TCTN1: variants seen among roughly 807,000 people sequenced by gnomAD.
TCTN1 encodes tectonic-1.
TCTN1 carries 58 observed loss-of-function variants against 65.8 expected under a neutral mutation model. The ratio of observed to expected loss-of-function variants is 0.88; its 90% confidence interval spans 0.71 to 1.10. The LOEUF (loss-of-function observed/expected upper bound fraction) is 1.10. TCTN1 is among the 50% of genes least tolerant of loss of function. The pLI, the probability that TCTN1 is intolerant of heterozygous loss-of-function variation, is 0.00. For missense variants in TCTN1, 645 were observed against 719.4 expected, an observed-to-expected ratio of 0.90 and a Z score of 1.18; for synonymous variants, 273 against 289.1, an observed-to-expected ratio of 0.94 and a Z score of 0.57.
At chr12:110,618,230 T>A (rs1005592186) in intron 1 of TCTN1, among the ~76,000 whole-genome samples, 8 of 151,218 alleles carry the variant, frequency 5.3e-5, no homozygotes, top group African/African-American at 1.9e-4. Context: ...CCCACCACCA[T>A]ACCTGGCTAA....
chr12:110,642,851 G>A (rs1474053149), intron 11 of TCTN1, among the ~76,000 whole-genome samples: 2 of 152,022 alleles, frequency 1.3e-5, no homozygotes, highest in Admixed American at 6.5e-5. Flanking sequence ...CTGCCTCTGG[G>A]TTCAAGCAAT....
In TCTN1 at chr12:110,632,565, A is replaced by G; in HGVS notation, c.712+6A>G. On this transcript the variant is annotated splice_donor_region_variant and intron_variant, in intron 5 of 14. Coordinates refer to ENST00000397659, the MANE Select transcript of TCTN1 (RefSeq NM_001082538.3). ...CACTGATAATAACCCTGCAGGTAAG[A>G]AAGTGGTCATTCTTCTTTCCTTAGA... The G allele has an allele frequency of 6.2e-7, 1 of 1,613,600 alleles. No individual in the cohort carries two copies. Among genetic ancestry groups the G allele is most frequent in the Non-Finnish European group, 8.5e-7 (1 of 1,179,646 alleles).
At chr12:110,615,895 C>T (rs1000323487) in intron 1 of TCTN1, among the ~76,000 whole-genome samples, 2 of 152,210 alleles carry the variant, frequency 1.3e-5, no homozygotes, top group Admixed American at 6.5e-5. Flanking sequence ...GTTACTGAAC[C>T]TTTATTTCTC....
intron 13 of TCTN1, 37 bp from the exon 14 acceptor site, chr12:110,647,709 ACAC>A (rs2067448820): frequency 6.2e-7 from 1 of 1,614,014 alleles, no homozygotes; most frequent in Non-Finnish European, 8.5e-7. Flanking sequence ...TTCTGGGAGC[ACAC>A]TGGAGGGTGG....
chr12:110,634,307 A>AG (rs1284273714), intron 5 of TCTN1: 9 of 440,770 alleles, frequency 2.0e-5, no homozygotes, highest in African/African-American at 1.4e-4. Flanking sequence ...CAAGAATTGG[A>AG]GGGGGATTTA....
chr12:110,628,341 C>CT (rs1220087506), intron 3 of TCTN1: 143,935 of 813,498 alleles, frequency 0.18, 8 homozygotes, highest in East Asian at 0.21. Flanking sequence ...GAAAAATACA[C>CT]TTTTTTTTTT....
rs1565999637 is a variant in TCTN1 at position 110,640,891 on chromosome 12, C to T, written c.979-133C>T. The stretch of plus-strand genomic sequence containing the variant: ...TGAGGGAACACCTCTCATAATCCAA[C>T]TGGACAGCAGAGCAAGGCTTCAACA... On this transcript the variant is annotated intron_variant, in intron 8 of 14. Coordinates refer to ENST00000397659, the MANE Select transcript of TCTN1 (RefSeq NM_001082538.3). The surrounding 1 kb of genome is among the most constrained non-coding windows in gnomAD (Gnocchi z 4.9). 1 of 1,320,594 alleles carries T rather than the reference C, an allele frequency of 7.6e-7. No individual in the cohort carries two copies. The highest frequency in any genetic ancestry group is 2.3e-5 in the East Asian group (1 of 43,430). 81.8% of individuals were successfully genotyped at this position (1,320,594 alleles called of 1,614,324 possible). A position where few individuals can be genotyped will look rare whatever the true frequency, so the allele number is the denominator to read the frequency against.
intron 1 of TCTN1, among the ~76,000 whole-genome samples, chr12:110,617,716 C>T (rs1312212419): frequency 1.3e-5 from 2 of 151,758 alleles, no homozygotes; most frequent in African/African-American, 4.8e-5. Context: ...TATCGGCTCA[C>T]TGCAAACTCT....
At chr12:110,628,660 A>G in intron 3 of TCTN1, 107 bp from the exon 4 acceptor site, 1 of 1,008,420 alleles carries the variant, frequency 9.9e-7, no homozygotes, top group Non-Finnish European at 1.4e-6. Context: ...TTTGTTTTTT[A>G]CATCAGCCTT....
intron 13 of TCTN1, 43 bp from the exon 14 acceptor site, chr12:110,647,706 A>C: frequency 3.1e-6 from 5 of 1,613,986 alleles, no homozygotes; most frequent in Non-Finnish European, 4.2e-6. Context: ...TCATTCTGGG[A>C]GCACACTGGA....
At chr12:110,628,632 C>A in intron 3 of TCTN1, 135 bp from the exon 4 acceptor site, 1 of 828,130 alleles carries the variant, frequency 1.2e-6, no homozygotes, top group Non-Finnish European at 1.9e-6. Context: ...TGAGCCCATG[C>A]GCCCAGCCAA....
chr12:110,641,018 T>A lies in TCTN1; in HGVS notation c.979-6T>A. The A allele has an allele frequency of 3.7e-6, 6 of 1,614,202 alleles. No homozygotes were observed. Among genetic ancestry groups the A allele is most frequent in the Non-Finnish European group, 5.1e-6 (6 of 1,180,034 alleles). On this transcript the variant is annotated splice_polypyrimidine_tract_variant and splice_region_variant and intron_variant, in intron 8 of 14. Transcript: ENST00000397659. ...AGGTATATTTGGAGTATCATTTTGT[T>A]TTTAGGTAAAGTACAGCCTCACATA...
At chr12:110,636,152 G>A in intron 6 of TCTN1, 2 of 324,960 alleles carry the variant, frequency 6.2e-6, no homozygotes, top group South Asian at 5.8e-5. Context: ...AGGAGTGCAA[G>A]AACTGTGCTT....
intron 4 of TCTN1, among the ~76,000 whole-genome samples, 198 bp from the exon 5 acceptor site, chr12:110,632,274 C>G (rs116192787): frequency 1.8e-3 from 277 of 152,256 alleles, no homozygotes; most frequent in African/African-American, 6.0e-3. Context: ...CAGTAACATG[C>G]ACATACAGAA....
At chr12:110,633,454 T>C (rs1418484119) in intron 5 of TCTN1, among the ~76,000 whole-genome samples, 3 of 151,938 alleles carry the variant, frequency 2.0e-5, no homozygotes, top group African/African-American at 7.3e-5. Flanking sequence ...CTGGGCAACA[T>C]AGTGAAACCC....
chr12:110,616,330 C>T, intron 1 of TCTN1: 1 of 429,884 alleles, frequency 2.3e-6, no homozygotes, highest in Non-Finnish European at 4.7e-6. Flanking sequence ...CAGCTCACTG[C>T]AGCCTCGACC....
rs1040599914 is a variant in TCTN1, at chr12:110,639,983, G to A, written c.844-400G>A. ...GTTTTTAAGATTCATCTGTACTGTG[G>A]CATGTATTAGTACTATTTTTAGGGA... is the stretch of plus-strand genomic sequence containing the variant. On this transcript the variant is annotated intron_variant, in intron 7 of 14. Coordinates refer to ENST00000397659, the MANE Select transcript of TCTN1 (RefSeq NM_001082538.3). The surrounding 1 kb of genome is among the most constrained non-coding windows in gnomAD (Gnocchi z 4.9). 4.6e-5 allele frequency among the ~76,000 whole-genome samples: 7 copies of A among 152,256 alleles called. No individual in the cohort carries two copies. The highest frequency in any genetic ancestry group is 7.4e-5 in the Non-Finnish European group (5 of 68,010).
At chr12:110,626,287 C>G (rs923183333) in intron 2 of TCTN1, 75 bp from the exon 3 acceptor site, 2 of 1,467,096 alleles carry the variant, frequency 1.4e-6, no homozygotes, top group Admixed American at 4.0e-5. Flanking sequence ...AAGCATCTGA[C>G]AGTTTTAAAA....
At chr12:110,619,016 C>CAA (rs1289748093) in intron 1 of TCTN1, among the ~76,000 whole-genome samples, 1 of 109,240 alleles carries the variant, frequency 9.2e-6, no homozygotes, top group Non-Finnish European at 2.0e-5. Flanking sequence ...AATAAAAATA[C>CAA]AAAAAAAAAA....
Sources: allele counts gnomAD v4.1 joint callset (sites outside exome capture counted in the v4.1 genomes callset), GRCh38; gene constraint gnomAD v4.1.1; non-coding constraint Gnocchi (gnomAD v3.1); transcripts MANE v1.5; gene names NCBI Gene and HGNC (gene_info 2026-07-23, HGNC 2026-07-21).